Variants in DLG2 observed in about 807,000 individuals in gnomAD.
DLG2 encodes discs large MAGUK scaffold protein 2, also known as disks large homolog 2.
A neutral mutation model predicts 132.5 loss-of-function variants in DLG2; 45 were observed. The ratio of observed to expected loss-of-function variants is 0.34; its 90% confidence interval spans 0.27 to 0.44. The LOEUF (loss-of-function observed/expected upper bound fraction) is 0.44. Ranked by LOEUF, DLG2 falls within the 20% of genes least tolerant of loss-of-function variation. DLG2 has a pLI of 1.00. For synonymous variants in DLG2, 424 were observed against 419.6 expected (o/e 1.01, Z -0.13); for missense variants, 1,045 against 1,196.9 (o/e 0.87, Z 1.87).
At chr11:84,250,175 A>C (rs1471637067) in intron 8 of DLG2, among the ~76,000 whole-genome samples, 2 of 152,224 alleles carry the variant, frequency 1.3e-5, no homozygotes, top group African/African-American at 4.8e-5. Flanking sequence ...AAACATGTAC[A>C]AATTTCCATC....
At chr11:85,090,959 T>C (rs1204484210) in intron 6 of DLG2, among the ~76,000 whole-genome samples, 1 of 152,176 alleles carries the variant, frequency 6.6e-6, no homozygotes, top group Non-Finnish European at 1.5e-5. Context: ...AGAGATCATA[T>C]GGTGAAAGAG....
At chr11:83,873,309 G>C (rs2040308) in intron 16 of DLG2, among the ~76,000 whole-genome samples, 86,733 of 151,968 alleles carry the variant, frequency 0.57, 24,959 homozygotes, top group Middle Eastern at 0.63. Context: ...TGGTTTGGCT[G>C]TGTGTCCCCA....
At chr11:85,127,253 ACT>A (rs1444487805) in intron 5 of DLG2, among the ~76,000 whole-genome samples, 2 of 46,080 alleles carry the variant, frequency 4.3e-5, no homozygotes, top group African/African-American at 1.6e-4. Context: ...CCCCCCACCC[ACT>A]CTCTCTTTCT....
intron 6 of DLG2, among the ~76,000 whole-genome samples, chr11:84,562,635 C>T (rs182176550): frequency 6.6e-6 from 1 of 152,162 alleles, no homozygotes; most frequent in East Asian, 1.9e-4. Flanking sequence ...TTCCTCCAAG[C>T]AACTGCTATA....
chr11:85,583,640 T>C (rs1414353253), intron 3 of DLG2, among the ~76,000 whole-genome samples: 1 of 152,178 alleles, frequency 6.6e-6, no homozygotes, highest in East Asian at 1.9e-4. Context: ...CTGGCCCTTA[T>C]AGATGAATAC....
chr11:84,288,436 G>T (rs1599134173), intron 7 of DLG2, among the ~76,000 whole-genome samples: 1 of 152,076 alleles, frequency 6.6e-6, no homozygotes, highest in Non-Finnish European at 1.5e-5. Flanking sequence ...GCAATAAGAA[G>T]CTATGAAGAT....
chr11:84,443,631 T>C lies in DLG2; in HGVS notation c.519+90939A>G, dbSNP rs142837054. ...TAATGTTAACTCTTTGTAGTCTTGA[T>C]ATGCATTTTCTTGATTACTGGTGAG... On this transcript the variant is annotated intron_variant, in intron 7 of 27. Coordinates refer to ENST00000376104, the MANE Select transcript of DLG2 (RefSeq NM_001142699.3). Among the ~76,000 whole-genome samples the C allele has an allele frequency of 1.3e-3, 201 of 152,320 alleles. 1 individual carries two copies. The highest frequency in any genetic ancestry group is 4.5e-3 in the African/African-American group (187 of 41,586).
chr11:84,497,549 G>C (rs1237226935), intron 7 of DLG2, among the ~76,000 whole-genome samples: 1 of 152,022 alleles, frequency 6.6e-6, no homozygotes, highest in African/African-American at 2.4e-5. Flanking sequence ...GGAACATACT[G>C]TTACCTCCAA....
intron 4 of DLG2, among the ~76,000 whole-genome samples, chr11:85,165,136 G>A (rs1594987115): frequency 6.6e-6 from 1 of 152,296 alleles, no homozygotes; most frequent in African/African-American, 2.4e-5. Context: ...AGAGATAGAT[G>A]ATTCTCGGCA....
rs1208926279 is a variant in DLG2, at chr11:83,928,279, A to G, written c.1496+2049T>C. Among the ~76,000 whole-genome samples the G allele has an allele frequency of 1.3e-5, 2 of 152,130 alleles. 1 individual carries two copies. ...ATTTGAAAAAAAAATTCAACATTGT[A>G]CTATAATGTTTTTATTTGAAAAATA... On this transcript the variant is annotated intron_variant, in intron 15 of 27. Coordinates refer to ENST00000376104, the MANE Select transcript of DLG2 (RefSeq NM_001142699.3).
intron 6 of DLG2, among the ~76,000 whole-genome samples, chr11:84,894,949 G>A (rs1335939310): frequency 2.0e-5 from 3 of 152,166 alleles, no homozygotes; most frequent in Admixed American, 6.5e-5. Flanking sequence ...GGGGCTCCAC[G>A]GGGCAATGTC....
chr11:83,787,450 T>G (rs1468232493), intron 17 of DLG2, among the ~76,000 whole-genome samples: 1 of 150,474 alleles, frequency 6.6e-6, no homozygotes, highest in Non-Finnish European at 1.5e-5. Flanking sequence ...GCCTCCCAAG[T>G]AGCTGGGATT....
At chr11:83,654,877 G>A (rs1459884222) in intron 18 of DLG2, among the ~76,000 whole-genome samples, 1 of 152,228 alleles carries the variant, frequency 6.6e-6, no homozygotes, top group African/African-American at 2.4e-5. Flanking sequence ...TCTTCTTGAG[G>A]ACATCTAGAG....
intron 7 of DLG2, among the ~76,000 whole-genome samples, chr11:84,425,768 A>G (rs2098964443): frequency 6.6e-6 from 1 of 152,166 alleles, no homozygotes; most frequent in Non-Finnish European, 1.5e-5. Context: ...GAAAGTGGTT[A>G]GTGAAGATAT....
intron 11 of DLG2, among the ~76,000 whole-genome samples, chr11:84,014,119 C>T (rs2095045288): frequency 6.6e-6 from 1 of 152,052 alleles, no homozygotes; most frequent in African/African-American, 2.4e-5. Context: ...ACCCATTTAT[C>T]TCCCTTTAAC....
At chr11:83,636,683 C>T (rs1250369676) in intron 18 of DLG2, among the ~76,000 whole-genome samples, 1 of 152,162 alleles carries the variant, frequency 6.6e-6, no homozygotes. Flanking sequence ...GTAGCTGCCT[C>T]ATTTTTTGTA....
Position 85,086,520 on chromosome 11 carries a change from C to A in DLG2, c.357+25141G>T, listed in dbSNP as rs191250482. 4.9e-4 allele frequency among the ~76,000 whole-genome samples: 75 copies of A among 152,212 alleles called. 1 individual carries two copies. Among genetic ancestry groups the A allele is most frequent in the African/African-American group, 1.7e-3 (72 of 41,544 alleles). Reference sequence around the variant, plus strand: ...AATAAACAATTAAATGAAGACAGAGCAGCCAGAAGACACAATAATGTTACC... The same window carrying A: ...AATAAACAATTAAATGAAGACAGAGAAGCCAGAAGACACAATAATGTTACC... On this transcript the variant is annotated intron_variant, in intron 6 of 27. Coordinates refer to ENST00000376104, the MANE Select transcript of DLG2 (RefSeq NM_001142699.3).
At chr11:83,569,335 C>T (rs1190658120) in intron 19 of DLG2, among the ~76,000 whole-genome samples, 1 of 151,904 alleles carries the variant, frequency 6.6e-6, no homozygotes, top group Non-Finnish European at 1.5e-5. Flanking sequence ...TGTCAGGAGG[C>T]ATATGACAGG....
At chr11:85,121,348 A>G (rs1384082134) in intron 5 of DLG2, among the ~76,000 whole-genome samples, 1 of 151,076 alleles carries the variant, frequency 6.6e-6, no homozygotes, top group Non-Finnish European at 1.5e-5. Flanking sequence ...AGTAAAATAT[A>G]CTACATTAAT....
Sources: gnomAD v4.1 joint callset for allele counts (sites outside exome capture counted in the v4.1 genomes callset) on GRCh38, gnomAD v4.1.1 for gene constraint, MANE v1.5 for transcripts, NCBI Gene and HGNC (gene_info 2026-07-23, HGNC 2026-07-21) for gene names.